The following ABCA13 variants were observed in gnomAD, a reference collection of about 807,000 sequenced individuals.
The protein encoded by ABCA13 is ATP binding cassette subfamily A member 13.
A neutral mutation model predicts 478.7 loss-of-function variants in ABCA13; 476 were observed. The ratio of observed to expected loss-of-function variants is 0.99; its 90% CI spans 0.92 to 1.07. The LOEUF (loss-of-function observed/expected upper bound fraction) is 1.07, where lower values mean the gene tolerates loss of function less well. Among genes scored for constraint, ABCA13 ranks in the 50% least tolerant of loss-of-function variants. The pLI is 0.00. For missense variants in ABCA13, 6,060 were observed against 5,910.6 expected (o/e 1.03, Z -0.83); for synonymous variants, 2,252 against 2,158.9 (o/e 1.04, Z -1.20).
rs762713578 is a variant in ABCA13, at chr7:48,389,220, T to C, written c.11654T>C (p.Ile3885Thr). 1.2e-5 allele frequency: 19 copies of C among 1,612,374 alleles called. No homozygotes were observed. Among genetic ancestry groups the C allele is most frequent in the Non-Finnish European group, 8.5e-6 (10 of 1,179,132 alleles). ...GTNGAGKTTI[I>T]SMLTGLHPPT... ...AACGGTGCCGGGAAAACCACTATCA[T>C]GTGGGTCCCATTTTACCCTTATCAA... The change falls in exon 37 of 62, where the codon ATA becomes ACA. Residue 3885 changes from isoleucine to threonine, a missense_variant and splice_region_variant. Ile to Thr is a moderately conservative substitution (Grantham distance 89). Transcript: ENST00000435803.
intron 19 of ABCA13, among the ~76,000 whole-genome samples, chr7:48,281,706 A>G (rs1257800875): frequency 6.6e-6 from 1 of 152,058 alleles, no homozygotes; most frequent in African/African-American, 2.4e-5. Context: ...TGCTCATGGA[A>G]TGTGCTTCCC....
intron 31 of ABCA13, among the ~76,000 whole-genome samples, chr7:48,360,182 C>A (rs1810596051): frequency 1.6e-5 from 2 of 124,482 alleles, no homozygotes; most frequent in South Asian, 3.1e-4. Context: ...TAATGCTATC[C>A]CTCCCCCCTC....
intron 3 of ABCA13, among the ~76,000 whole-genome samples, chr7:48,205,775 CT>C (rs1199484559): frequency 6.6e-6 from 1 of 152,048 alleles, no homozygotes; most frequent in Non-Finnish European, 1.5e-5. Context: ...TTCCTTGTTA[CT>C]TTATATTTGT....
At chr7:48,516,218 G>A (rs1832094924) in intron 51 of ABCA13, among the ~76,000 whole-genome samples, 1 of 152,184 alleles carries the variant, frequency 6.6e-6, no homozygotes, top group Non-Finnish European at 1.5e-5. Flanking sequence ...ACAGTCAACT[G>A]TGGTCTCAAG....
At chr7:48,215,221 A>G (rs1016347616) in intron 3 of ABCA13, among the ~76,000 whole-genome samples, 35 of 152,150 alleles carry the variant, frequency 2.3e-4, no homozygotes, top group African/African-American at 8.2e-4. Flanking sequence ...TAGGGTTATT[A>G]ATTAGCCTAA....
At chr7:48,394,829 A>G (rs1056495321) in intron 38 of ABCA13, among the ~76,000 whole-genome samples, 1 of 152,076 alleles carries the variant, frequency 6.6e-6, no homozygotes, top group Non-Finnish European at 1.5e-5. Context: ...GTTTTATTTT[A>G]TCCCTCAACC....
rs748003651 is a variant in ABCA13 at position 48,352,453 on chromosome 7, C to T, written c.10654C>T (p.Gln3552Ter). Residue 3552 changes from glutamine (Q) to a stop codon, truncating the protein, a stop_gained, in exon 31 of 62, where the codon CAG becomes TAG. Transcript: ENST00000435803. LOFTEE classifies it high-confidence loss of function. ...AGCCCTGGAACCAGCAGCACAGACT[C>T]AGGCGGCCCCTTACCCCTGCCATAC... is the stretch of plus-strand genomic sequence containing the variant. Reference protein sequence around the residue: ...QEALEPAAQTQAAPYPCHTSD... With the variant: ...QEALEPAAQT 2 of 1,611,140 alleles carry T rather than the reference C, an allele frequency of 1.2e-6. No individual in the cohort carries two copies. Among genetic ancestry groups the T allele is most frequent in the Admixed American group, 1.7e-5 (1 of 59,856 alleles).
intron 3 of ABCA13, among the ~76,000 whole-genome samples, chr7:48,201,581 G>A (rs959363852): frequency 1.3e-5 from 2 of 152,134 alleles, no homozygotes; most frequent in African/African-American, 2.4e-5. Flanking sequence ...TTAGCTGGGC[G>A]TGGTGGCAGG....
intron 15 of ABCA13, among the ~76,000 whole-genome samples, chr7:48,258,079 A>G (rs1310670106): frequency 1.3e-5 from 2 of 152,126 alleles, no homozygotes; most frequent in East Asian, 3.9e-4. Flanking sequence ...ATGTGCCGCC[A>G]TGCCCAGCTT....
At chr7:48,559,075 G>T (rs1239981478) in intron 55 of ABCA13, among the ~76,000 whole-genome samples, 2 of 152,132 alleles carry the variant, frequency 1.3e-5, no homozygotes, top group African/African-American at 4.8e-5. Flanking sequence ...TCTACAATCA[G>T]CAGGTGGAGA....
Position 48,278,426 on chromosome 7 carries a change from C to G in ABCA13, c.7232C>G (p.Ser2411Ter). ...DLFKLNQDLGSALHLVRECST... is the reference protein window; with the variant it reads ...DLFKLNQDLG ...TTCAAACTCAATCAAGATCTTGGGTCAGCTCTTCACCTTGTAAGAGAATGT... is the reference window on the plus strand; with the variant it reads ...TTCAAACTCAATCAAGATCTTGGGTGAGCTCTTCACCTTGTAAGAGAATGT... Residue 2411 changes from serine (S) to a stop codon, truncating the protein, a stop_gained, in exon 18 of 62, where the codon TCA (serine) becomes TGA (stop). Transcript: ENST00000435803. LOFTEE classifies it high-confidence loss of function. 2 of 1,613,894 alleles carry G rather than the reference C, an allele frequency of 1.2e-6. No individual in the cohort carries two copies. The highest frequency in any genetic ancestry group is 2.2e-5 in the South Asian group (2 of 91,070).
intron 5 of ABCA13, among the ~76,000 whole-genome samples, 163 bp from the exon 6 acceptor site, chr7:48,227,099 G>A (rs546080138): frequency 6.6e-6 from 1 of 152,102 alleles, no homozygotes; most frequent in East Asian, 1.9e-4. Flanking sequence ...TTAACATTGT[G>A]TTCAGCAGAT....
chr7:48,458,687 A>C (rs531185923), intron 43 of ABCA13, among the ~76,000 whole-genome samples: 35 of 152,324 alleles, frequency 2.3e-4, no homozygotes, highest in Admixed American at 1.7e-3. Context: ...GAAGAAATGC[A>C]CTAGAGAGGT....
At chr7:48,637,708 T>C (rs926983089) in intron 59 of ABCA13, among the ~76,000 whole-genome samples, 2 of 152,178 alleles carry the variant, frequency 1.3e-5, no homozygotes, top group East Asian at 1.9e-4. Context: ...TATGTATTTT[T>C]TTTTATCCCA....
chr7:48,411,863 TC>T (rs1357016150), intron 40 of ABCA13, among the ~76,000 whole-genome samples: 15 of 152,156 alleles, frequency 9.9e-5, no homozygotes, highest in Non-Finnish European at 1.5e-5. Context: ...CGAAAAGTCT[TC>T]CCTCACCTCT....
At chr7:48,193,884 C>CTGGTG (rs1224212403) in intron 2 of ABCA13, among the ~76,000 whole-genome samples, 210 of 143,756 alleles carry the variant, frequency 1.5e-3, no homozygotes, top group Middle Eastern at 4.0e-3. Context: ...AGATAATAAC[C>CTGGTG]GTGATCATGA....
At position 48,257,436 on chromosome 7, in the gene ABCA13, T is replaced by C. The variant is rs995987675; in HGVS notation, c.2005+8085T>C. Among the ~76,000 whole-genome samples the C allele has an allele frequency of 2.9e-4, 44 of 152,142 alleles. 2 individuals carry two copies. The highest frequency in any genetic ancestry group is 9.9e-4 in the African/African-American group (41 of 41,444). ...CACTTAGTATGATTTTGGCTGTGTG[T>C]TTTTCATCGATGGGCTGTTATTACT... On this transcript the variant is annotated intron_variant, in intron 15 of 61. Coordinates refer to ENST00000435803, the MANE Select transcript of ABCA13 (RefSeq NM_152701.5).
intron 35 of ABCA13, among the ~76,000 whole-genome samples, chr7:48,378,679 A>G (rs1325307248): frequency 6.6e-6 from 1 of 152,162 alleles, no homozygotes; most frequent in Non-Finnish European, 1.5e-5. Context: ...CATCTACCCA[A>G]TATGTTAAAC....
intron 23 of ABCA13, among the ~76,000 whole-genome samples, chr7:48,302,538 T>C (rs1800289960): frequency 6.6e-6 from 1 of 152,108 alleles, no homozygotes; most frequent in African/African-American, 2.4e-5. Context: ...TTTGTTCCCC[T>C]CTTTGTAGCC....
Sources: allele counts gnomAD v4.1 joint callset (sites outside exome capture counted in the v4.1 genomes callset), GRCh38; gene constraint gnomAD v4.1.1; transcripts MANE v1.5; gene names NCBI Gene and HGNC (gene_info 2026-07-23, HGNC 2026-07-21).